DOCK2: variants seen among roughly 807,000 people sequenced by gnomAD.
The protein encoded by DOCK2 is dedicator of cytokinesis protein 2.
In DOCK2, 87 loss-of-function variants were observed where a neutral mutation model predicts 248.9. The ratio of observed to expected loss-of-function variants is 0.35; its 90% CI spans 0.29 to 0.42. The LOEUF is 0.42. Among genes scored for constraint, DOCK2 ranks in the 10% least tolerant of loss-of-function variants. DOCK2 has a pLI of 1.00. For synonymous variants in DOCK2, 805 were observed against 821.6 expected (o/e 0.98, Z 0.35); for missense variants, 1,747 against 2,300.2 (o/e 0.76, Z 4.92).
At chr5:169,846,701 T>C (rs1237180852) in intron 27 of DOCK2, among the ~76,000 whole-genome samples, 1 of 152,082 alleles carries the variant, frequency 6.6e-6, no homozygotes, top group African/African-American at 2.4e-5. Flanking sequence ...CATACAGATA[T>C]ATGCTTTTAT....
At chr5:169,717,716 C>T (rs1761979439) in intron 21 of DOCK2, among the ~76,000 whole-genome samples, 1 of 152,182 alleles carries the variant, frequency 6.6e-6, no homozygotes, top group South Asian at 2.1e-4. Flanking sequence ...AGTGCTCATT[C>T]ATCCATTCAG....
rs1758087034 is a variant in DOCK2, at chr5:170,082,955, A to G, written c.*97A>G. On this transcript the variant is annotated 3_prime_UTR_variant, in exon 52 of 52. Coordinates refer to ENST00000520908, the MANE Select transcript of DOCK2 (RefSeq NM_004946.3). Reference sequence around the variant, plus strand: ...ACATCGAAGCCTCAGAGAGTGGGAGACTGTCCCCATCAGTTGTCCTTACTT... The same window carrying G: ...ACATCGAAGCCTCAGAGAGTGGGAGGCTGTCCCCATCAGTTGTCCTTACTT... 6.7e-7 allele frequency: 1 copy of G among 1,503,342 alleles called. No individual in the cohort carries two copies. The highest frequency in any genetic ancestry group is 1.4e-5 in the African/African-American group (1 of 73,006). The allele number at this position is 1,503,342 out of a possible 1,614,324, so 93.1% of individuals were successfully genotyped here.
At chr5:169,692,525 G>A (rs771370756) in intron 9 of DOCK2, among the ~76,000 whole-genome samples, 1 of 151,988 alleles carries the variant, frequency 6.6e-6, no homozygotes, top group Admixed American at 6.6e-5. Flanking sequence ...TGTGTGTGTG[G>A]GGGTGGGGTG....
At chr5:169,723,750 G>A (rs1762326636) in intron 22 of DOCK2, among the ~76,000 whole-genome samples, 1 of 152,040 alleles carries the variant, frequency 6.6e-6, no homozygotes, top group African/African-American at 2.4e-5. Context: ...CCTGTCCCGA[G>A]CACTGCTGAT....
intron 30 of DOCK2, among the ~76,000 whole-genome samples, chr5:170,007,097 A>G (rs928301658): frequency 1.2e-4 from 18 of 152,270 alleles, no homozygotes; most frequent in African/African-American, 4.1e-4. Flanking sequence ...TTTGAAAGTC[A>G]TACTCTGGGC....
At chr5:169,943,106 A>G (rs1056319990) in intron 27 of DOCK2, among the ~76,000 whole-genome samples, 1 of 152,176 alleles carries the variant, frequency 6.6e-6, no homozygotes, top group Non-Finnish European at 1.5e-5. Flanking sequence ...ATTCCATTCA[A>G]TGGAAATATC....
intron 22 of DOCK2, among the ~76,000 whole-genome samples, chr5:169,720,414 TTCTCCTC>T (rs949031973): frequency 3.6e-4 from 55 of 152,316 alleles, no homozygotes; most frequent in African/African-American, 1.3e-3. Context: ...ATTTTATTGC[TTCTCCTC>T]TCTCCTATAT....
At chr5:169,784,595 A>G (rs1184749942) in intron 25 of DOCK2, among the ~76,000 whole-genome samples, 1 of 152,210 alleles carries the variant, frequency 6.6e-6, no homozygotes, top group East Asian at 1.9e-4. Flanking sequence ...TTCCTTTTCA[A>G]TCTTTCTGAT....
At chr5:169,972,165 A>G (rs1338868427) in intron 27 of DOCK2, among the ~76,000 whole-genome samples, 6 of 152,290 alleles carry the variant, frequency 3.9e-5, no homozygotes, top group Admixed American at 1.3e-4. Context: ...ATCTCTATCA[A>G]TCTTGTAGTT....
chr5:169,639,204 A>G (rs1162056337), intron 1 of DOCK2, among the ~76,000 whole-genome samples: 1 of 152,174 alleles, frequency 6.6e-6, no homozygotes, highest in Non-Finnish European at 1.5e-5. Flanking sequence ...TAACAGTTTT[A>G]CCTGTCTGCT....
At chr5:170,008,189 G>GGAC (rs1755124077) in intron 30 of DOCK2, among the ~76,000 whole-genome samples, 1 of 131,432 alleles carries the variant, frequency 7.6e-6, no homozygotes, top group Non-Finnish European at 1.6e-5. Context: ...CAAAGCACAA[G>GGAC]GACAAAAACA....
chr5:170,065,477 A>AACAAC (rs147657932), intron 44 of DOCK2, among the ~76,000 whole-genome samples: 1 of 148,164 alleles, frequency 6.7e-6, no homozygotes, highest in African/African-American at 2.6e-5. Flanking sequence ...CAACAACAAC[A>AACAAC]AAAAAACCTA....
intron 14 of DOCK2, among the ~76,000 whole-genome samples, chr5:169,703,197 T>G (rs1480962234): frequency 6.6e-6 from 1 of 152,098 alleles, no homozygotes; most frequent in Non-Finnish European, 1.5e-5. Context: ...TAGGCCACTG[T>G]GAGTGATCAA....
At chr5:169,809,750 C>T (rs1033375512) in intron 26 of DOCK2, among the ~76,000 whole-genome samples, 1 of 152,210 alleles carries the variant, frequency 6.6e-6, no homozygotes, top group East Asian at 1.9e-4. Context: ...TTCTCTGGTT[C>T]CATTAAAATC....
intron 27 of DOCK2, among the ~76,000 whole-genome samples, chr5:169,897,949 A>G (rs1053324662): frequency 9.2e-5 from 14 of 152,342 alleles, no homozygotes; most frequent in African/African-American, 3.1e-4. Flanking sequence ...CTCCCCTAGA[A>G]ATAAAGGAGC....
chr5:169,922,913 G>A (rs777702036), intron 27 of DOCK2, among the ~76,000 whole-genome samples: 12 of 152,300 alleles, frequency 7.9e-5, no homozygotes, highest in African/African-American at 2.2e-4. Flanking sequence ...ACAAACACCT[G>A]TACAGTACAG....
At chr5:169,649,423 C>A (rs1273372779) in intron 1 of DOCK2, among the ~76,000 whole-genome samples, 1 of 152,164 alleles carries the variant, frequency 6.6e-6, no homozygotes, top group South Asian at 2.1e-4. Context: ...ACATAGCTGC[C>A]CTTCATGTTC....
chr5:169,684,489 C>A, intron 8 of DOCK2, 139 bp downstream of exon 8: 2 of 1,199,614 alleles, frequency 1.7e-6, no homozygotes, highest in Admixed American at 2.5e-5. Context: ...GAAATAACTT[C>A]TTTGGAGGTT....
chr5:170,025,068 A>T (rs552383218), intron 33 of DOCK2, among the ~76,000 whole-genome samples: 1 of 152,370 alleles, frequency 6.6e-6, no homozygotes, highest in African/African-American at 2.4e-5. Flanking sequence ...GCTTTCTAGT[A>T]ACATTCGGCA....
Sources: allele counts gnomAD v4.1 joint callset (sites outside exome capture counted in the v4.1 genomes callset), GRCh38; gene constraint gnomAD v4.1.1; transcripts MANE v1.5; gene names NCBI Gene and HGNC (gene_info 2026-07-23, HGNC 2026-07-21).